KIF6: variants seen among roughly 807,000 people sequenced by gnomAD.
KIF6 encodes kinesin-like protein KIF6.
Under a neutral mutation model 112.7 loss-of-function variants are expected in KIF6, and 106 were observed. That is an observed-to-expected ratio of 0.94 (90% confidence interval 0.80 to 1.11). The LOEUF is 1.11. Among genes scored for constraint, KIF6 ranks in the 50% least tolerant of loss-of-function variants. KIF6 has a pLI of 0.00. For synonymous variants in KIF6, 339 were observed against 339.9 expected, an observed-to-expected ratio of 1.00 and a Z score of 0.03; for missense variants, 929 against 964.0, an observed-to-expected ratio of 0.96 and a Z score of 0.48.
At chr6:39,590,451 A>ATATATTT (rs1338373703) in intron 7 of KIF6, among the ~76,000 whole-genome samples, 151 of 84,722 alleles carry the variant, frequency 1.8e-3, no homozygotes, top group African/African-American at 7.0e-3. Flanking sequence ...ATATATATAT[A>ATATATTT]TTTTTTTTTT....
chr6:39,603,950 A>C (rs542845001), intron 6 of KIF6, among the ~76,000 whole-genome samples: 5 of 152,208 alleles, frequency 3.3e-5, no homozygotes, highest in Non-Finnish European at 5.9e-5. Context: ...ACTAATCTAG[A>C]ATAGATCAAA....
At chr6:39,442,389 C>T in intron 13 of KIF6, among the ~76,000 whole-genome samples, 1 of 152,196 alleles carries the variant, frequency 6.6e-6, no homozygotes, top group South Asian at 2.1e-4. Context: ...AGAAAACACT[C>T]ATTTTCCTAA....
intron 5 of KIF6, among the ~76,000 whole-genome samples, chr6:39,626,647 T>C (rs1024859306): frequency 1.3e-5 from 2 of 152,158 alleles, no homozygotes; most frequent in African/African-American, 4.8e-5. Flanking sequence ...AAGTGCTCAA[T>C]AAATACTGGT....
chr6:39,648,144 CT>C (rs1271346378), intron 3 of KIF6, among the ~76,000 whole-genome samples: 6 of 148,810 alleles, frequency 4.0e-5, no homozygotes, highest in Middle Eastern at 3.5e-3. Flanking sequence ...CTGCCTCAGC[CT>C]CCCGAGTAGC....
chr6:39,437,669 C>T (rs1341445783), intron 13 of KIF6, among the ~76,000 whole-genome samples: 1 of 152,170 alleles, frequency 6.6e-6, no homozygotes, highest in Admixed American at 6.5e-5. Context: ...ACTGGCCCAC[C>T]ATTAGAGATG....
chr6:39,520,725 T>C (rs1777345449), intron 13 of KIF6, among the ~76,000 whole-genome samples: 1 of 152,178 alleles, frequency 6.6e-6, no homozygotes, highest in Admixed American at 6.5e-5. Flanking sequence ...AAGCAATGAC[T>C]GAGGTTCCAA....
intron 22 of KIF6, among the ~76,000 whole-genome samples, chr6:39,337,172 C>CTTCTTTCTTTCTTTCCTTCCTTCT (rs1763015253): frequency 3.4e-5 from 2 of 59,504 alleles, no homozygotes; most frequent in Admixed American, 3.9e-4. Context: ...TCTTTCCTTC[C>CTTCTTTCTTTCTTTCCTTCCTTCT]TTCTTTCTTT....
At chr6:39,517,677 A>G (rs1207406325) in intron 13 of KIF6, among the ~76,000 whole-genome samples, 2 of 152,194 alleles carry the variant, frequency 1.3e-5, no homozygotes, top group East Asian at 3.8e-4. Context: ...ATTAAAGTGG[A>G]GAGGAGTAAT....
At chr6:39,625,020 A>G (rs951855752) in intron 5 of KIF6, among the ~76,000 whole-genome samples, 3 of 128,480 alleles carry the variant, frequency 2.3e-5, no homozygotes, top group Non-Finnish European at 4.8e-5. Flanking sequence ...TGGTATTAGT[A>G]TCCTTATAAG....
At chr6:39,442,274 T>C (rs1771963984) in intron 13 of KIF6, among the ~76,000 whole-genome samples, 1 of 152,006 alleles carries the variant, frequency 6.6e-6, no homozygotes, top group Admixed American at 6.6e-5. Context: ...GCCAAAGGAG[T>C]GGACAGGCCT....
At chr6:39,562,870 T>C (rs1780084214) in intron 10 of KIF6, among the ~76,000 whole-genome samples, 1 of 152,254 alleles carries the variant, frequency 6.6e-6, no homozygotes, top group African/African-American at 2.4e-5. Flanking sequence ...GTCTGTACTT[T>C]AACATAATTT....
At chr6:39,356,643 C>G (rs1305562281) in intron 19 of KIF6, among the ~76,000 whole-genome samples, 1 of 152,206 alleles carries the variant, frequency 6.6e-6, no homozygotes, top group African/African-American at 2.4e-5. Flanking sequence ...AAGGATTGCT[C>G]CTTGGTGGCA....
Position 39,671,493 on chromosome 6 carries a change from G to C in KIF6, c.252-31736C>G, listed in dbSNP as rs372520586. On this transcript the variant is annotated intron_variant, in intron 3 of 22. Transcript: ENST00000287152. ...ATCCTAGGCATTGGTGCCTGAAGCT[G>C]AGGCTGGCAGGGGAAAGGAGCCCTG... Among the ~76,000 whole-genome samples, 3 of 152,168 alleles carry C rather than the reference G, an allele frequency of 2.0e-5. No homozygotes were observed. In the East Asian group the frequency reaches 5.8e-4, roughly 29 times the overall value.
intron 13 of KIF6, among the ~76,000 whole-genome samples, chr6:39,433,453 T>C (rs1311910275): frequency 6.6e-6 from 1 of 152,046 alleles, no homozygotes; most frequent in Non-Finnish European, 1.5e-5. Flanking sequence ...AAAGTACACA[T>C]TATGGGAAAG....
intron 5 of KIF6, among the ~76,000 whole-genome samples, chr6:39,620,143 G>T (rs1783736471): frequency 6.6e-6 from 1 of 152,114 alleles, no homozygotes; most frequent in Non-Finnish European, 1.5e-5. Context: ...AAAACATTCA[G>T]CCATATCATG....
At chr6:39,465,998 G>A (rs780215827) in intron 13 of KIF6, among the ~76,000 whole-genome samples, 3 of 152,054 alleles carry the variant, frequency 2.0e-5, no homozygotes, top group South Asian at 4.1e-4. Flanking sequence ...CATAGTCCTC[G>A]GCTCTTGCCC....
At chr6:39,351,901 T>G (rs953258552) in intron 19 of KIF6, among the ~76,000 whole-genome samples, 12 of 152,194 alleles carry the variant, frequency 7.9e-5, no homozygotes, top group African/African-American at 2.7e-4. Context: ...ATGTGCTGTG[T>G]GGAGTCCTGG....
intron 4 of KIF6, among the ~76,000 whole-genome samples, chr6:39,636,290 C>T (rs1784620757): frequency 6.6e-6 from 1 of 151,994 alleles, no homozygotes; most frequent in Admixed American, 6.6e-5. Context: ...ACAATTAAAG[C>T]AACTCTCAGC....
Position 39,361,171 on chromosome 6 carries a change from C to T in KIF6, c.1947-641G>A, listed in dbSNP as rs143561245. On this transcript the variant is annotated intron_variant, in intron 17 of 22. Transcript: ENST00000287152. Reference sequence around the variant, plus strand: ...TGTCCAATAGGAAACAGTCCAATAGCCAGGCCGAAGAGATAAGTTGGCCTC... The same window carrying T: ...TGTCCAATAGGAAACAGTCCAATAGTCAGGCCGAAGAGATAAGTTGGCCTC... 4.7e-3 allele frequency among the ~76,000 whole-genome samples: 711 copies of T among 152,244 alleles called. 2 individuals carry two copies. Among genetic ancestry groups the T allele is most frequent in the Non-Finnish European group, 7.5e-3 (508 of 68,016 alleles).
Sources: gnomAD v4.1 joint callset for allele counts (sites outside exome capture counted in the v4.1 genomes callset) on GRCh38, gnomAD v4.1.1 for gene constraint, MANE v1.5 for transcripts, NCBI Gene and HGNC (gene_info 2026-07-23, HGNC 2026-07-21) for gene names.